Variants in PPP3CC observed in about 807,000 individuals in gnomAD.
PPP3CC encodes the protein serine/threonine-protein phosphatase 2B catalytic subunit gamma isoform.
PPP3CC carries 35 observed loss-of-function variants against 60.3 expected under a neutral mutation model. That is an observed-to-expected ratio of 0.58 (90% CI 0.44 to 0.77). The LOEUF (loss-of-function observed/expected upper bound fraction) is 0.77, where lower values mean the gene tolerates loss of function less well. Among genes scored for constraint, PPP3CC ranks in the 30% least tolerant of loss-of-function variants. The pLI is 0.00. For synonymous variants in PPP3CC, 206 were observed against 224.3 expected (o/e 0.92, Z 0.73); for missense variants, 570 against 628.9 (o/e 0.91, Z 1.00).
At chr8:22,480,681 A>C (rs754233814) in intron 3 of PPP3CC, among the ~76,000 whole-genome samples, 41 of 151,890 alleles carry the variant, frequency 2.7e-4, no homozygotes, top group Non-Finnish European at 5.2e-4. Context: ...GTTTCACCAT[A>C]TTGGCCAGGC....
At chr8:22,459,457 G>A (rs1209561238) in intron 1 of PPP3CC, among the ~76,000 whole-genome samples, 1 of 150,728 alleles carries the variant, frequency 6.6e-6, no homozygotes, top group Non-Finnish European at 1.5e-5. Context: ...ACTTTGTTAT[G>A]TGTGTGTGTG....
chr8:22,443,638 C>T (rs972387291), intron 1 of PPP3CC, among the ~76,000 whole-genome samples: 4 of 151,752 alleles, frequency 2.6e-5, no homozygotes, highest in African/African-American at 4.8e-5. Flanking sequence ...AATTAATTAC[C>T]GAATATTGTG....
At chr8:22,485,290 A>T (rs1419073986) in intron 3 of PPP3CC, among the ~76,000 whole-genome samples, 1 of 152,194 alleles carries the variant, frequency 6.6e-6, no homozygotes, top group Non-Finnish European at 1.5e-5. Flanking sequence ...ACCAAGAAGG[A>T]CGATAAGAAG....
intron 1 of PPP3CC, among the ~76,000 whole-genome samples, chr8:22,456,634 A>G (rs1274768788): frequency 6.6e-6 from 1 of 152,158 alleles, no homozygotes; most frequent in Non-Finnish European, 1.5e-5. Context: ...CTGTCTGTGT[A>G]TGTGTGTTTA....
In PPP3CC at chr8:22,462,630, G is replaced by T. The variant is rs576929400; in HGVS notation, c.50-12324G>T. ...CTGTTGCCCAGGCTGGAGTGCGGTG[G>T]CACGATCTCGGCTCACTGCAAGCTC... is the stretch of plus-strand genomic sequence containing the variant. On this transcript the variant is annotated intron_variant, in intron 1 of 13. Coordinates refer to ENST00000240139, the MANE Select transcript of PPP3CC (RefSeq NM_005605.5). Among the ~76,000 whole-genome samples, 92 of 151,610 alleles carry T rather than the reference G, an allele frequency of 6.1e-4. 2 individuals carry two copies. In the South Asian group the frequency reaches 0.019, roughly 31 times the overall value.
intron 1 of PPP3CC, among the ~76,000 whole-genome samples, chr8:22,447,821 C>G (rs1042960049): frequency 2.0e-5 from 3 of 152,064 alleles, no homozygotes; most frequent in African/African-American, 7.2e-5. Flanking sequence ...CTTTTAGTTT[C>G]TTGAGTCTTC....
At chr8:22,491,755 T>C (rs1013195150) in intron 3 of PPP3CC, among the ~76,000 whole-genome samples, 9 of 152,212 alleles carry the variant, frequency 5.9e-5, no homozygotes, top group African/African-American at 1.9e-4. Context: ...TGATTATTGA[T>C]TTGATGTAAT....
At chr8:22,525,685 C>A (rs1352462022) in intron 8 of PPP3CC, among the ~76,000 whole-genome samples, 1 of 151,314 alleles carries the variant, frequency 6.6e-6, no homozygotes, top group Non-Finnish European at 1.5e-5. Context: ...AGCCTCCCAA[C>A]TAGCTGGGAC....
intron 6 of PPP3CC, 57 bp from the exon 7 acceptor site, chr8:22,522,434 C>T: frequency 2.9e-6 from 4 of 1,384,190 alleles, no homozygotes; most frequent in Non-Finnish European, 4.0e-6. Context: ...TCCCCATCTT[C>T]CTATTAAAAA....
rs138630808 is a variant in PPP3CC, at chr8:22,492,413, C to G, written c.373-5588C>G. 2.8e-3 allele frequency among the ~76,000 whole-genome samples: 421 copies of G among 152,278 alleles called. 1 individual carries two copies. Among genetic ancestry groups the G allele is most frequent in the African/African-American group, 9.5e-3 (393 of 41,554 alleles). On this transcript the variant is annotated intron_variant, in intron 3 of 13. Coordinates refer to ENST00000240139, the MANE Select transcript of PPP3CC (RefSeq NM_005605.5). The stretch of plus-strand genomic sequence containing the variant: ...ATAAACACTGTACACTTGTGCTATA[C>G]TAAATTTATTAAAAAGTATTTTTCC...
intron 1 of PPP3CC, among the ~76,000 whole-genome samples, chr8:22,460,524 A>T (rs1258140759): frequency 6.6e-6 from 1 of 152,060 alleles, no homozygotes; most frequent in Admixed American, 6.6e-5. Context: ...AATAGCATGA[A>T]AACCTTTATT....
At position 22,502,401 on chromosome 8, in the gene PPP3CC, G is replaced by C. The variant is rs182406350; in HGVS notation, c.484+4289G>C. Among the ~76,000 whole-genome samples the C allele has an allele frequency of 2.2e-3, 331 of 152,310 alleles. 2 individuals are homozygous for C. Among genetic ancestry groups the C allele is most frequent in the African/African-American group, 7.6e-3 (315 of 41,572 alleles). ...TGCTAGGCAGCTATTGAAAGACCAA[G>C]GTGGCCGGGTGCAGTGGCTCATGCT... On this transcript the variant is annotated intron_variant, in intron 4 of 13. Coordinates refer to ENST00000240139, the MANE Select transcript of PPP3CC (RefSeq NM_005605.5).
intron 1 of PPP3CC, among the ~76,000 whole-genome samples, chr8:22,459,375 GT>G (rs1837299823): frequency 6.6e-6 from 1 of 152,146 alleles, no homozygotes; most frequent in Non-Finnish European, 1.5e-5. Context: ...AAGTCCTGAA[GT>G]TTTTGAATGA....
chr8:22,458,781 T>C (rs1370061406), intron 1 of PPP3CC, among the ~76,000 whole-genome samples: 1 of 152,124 alleles, frequency 6.6e-6, no homozygotes, highest in African/African-American at 2.4e-5. Flanking sequence ...AGGAGGATAC[T>C]GGATAATTCG....
chr8:22,450,683 C>T (rs2132429723), intron 1 of PPP3CC, among the ~76,000 whole-genome samples: 1 of 152,322 alleles, frequency 6.6e-6, no homozygotes, highest in East Asian at 1.9e-4. Flanking sequence ...TGAGCACTTC[C>T]TGCCTGTGGG....
At chr8:22,518,592 T>G (rs1839316470) in intron 6 of PPP3CC, among the ~76,000 whole-genome samples, 1 of 152,220 alleles carries the variant, frequency 6.6e-6, no homozygotes, top group African/African-American at 2.4e-5. Context: ...TTAGGTCCAT[T>G]GGGTTCATAG....
intron 3 of PPP3CC, among the ~76,000 whole-genome samples, chr8:22,491,452 G>A (rs1167197393): frequency 6.6e-6 from 1 of 152,096 alleles, no homozygotes; most frequent in Non-Finnish European, 1.5e-5. Context: ...CATCTCATAT[G>A]CCAGCCATTC....
intron 1 of PPP3CC, among the ~76,000 whole-genome samples, chr8:22,469,350 A>C (rs1158591121): frequency 6.6e-6 from 1 of 152,130 alleles, no homozygotes; most frequent in African/African-American, 2.4e-5. Context: ...AGTGGGGGAA[A>C]GGGGAAGGAT....
rs760326256 is a variant in PPP3CC at position 22,498,058 on chromosome 8, C to A, written c.430C>A (p.Arg144=). The A allele has an allele frequency of 3.1e-6, 5 of 1,613,318 alleles. No homozygotes were observed. The highest frequency in any genetic ancestry group is 4.2e-6 in the Non-Finnish European group (5 of 1,179,546). Residue 144 remains arginine (R), a synonymous_variant, in exon 4 of 14, where the codon CGG becomes AGG. Coordinates refer to ENST00000240139, the MANE Select transcript of PPP3CC (RefSeq NM_005605.5). The stretch of plus-strand genomic sequence containing the variant: ...TCATCCCAAAACATTGTTTCTGCTT[C>A]GGGGAAATCATGAATGCAGGCATCT... The part of the protein sequence containing the change: ...INHPKTLFLL[R]GNHECRHLTD...
Sources: allele counts gnomAD v4.1 joint callset (sites outside exome capture counted in the v4.1 genomes callset), GRCh38; gene constraint gnomAD v4.1.1; transcripts MANE v1.5; gene names NCBI Gene and HGNC (gene_info 2026-07-23, HGNC 2026-07-21).